STAU2: variants seen among roughly 807,000 people sequenced by gnomAD.
STAU2 encodes staufen double-stranded RNA binding protein 2, also known as double-stranded RNA-binding protein Staufen homolog 2.
A neutral mutation model predicts 65.9 loss-of-function variants in STAU2; 20 were observed. The ratio of observed to expected loss-of-function variants is 0.30; its 90% CI spans 0.21 to 0.44. STAU2 has a LOEUF of 0.44. Ranked by LOEUF, STAU2 falls within the 20% of genes least tolerant of loss-of-function variation. The pLI is 1.00. For synonymous variants in STAU2, 232 were observed against 233.9 expected, an observed-to-expected ratio of 0.99 and a Z score of 0.07; for missense variants, 558 against 683.9, an observed-to-expected ratio of 0.82 and a Z score of 2.05.
In STAU2 at chr8:73,673,176, C is replaced by T. The variant is rs932383073; in HGVS notation, c.341G>A (p.Arg114Lys). The T allele has an allele frequency of 3.1e-6, 5 of 1,606,504 alleles. No homozygotes were observed. Reference sequence around the variant, plus strand: ...TGGGAATGGCTTTGGATCTAATGGCCTGTAGATGGCAGGCTCTCCCCTTTT... The same window carrying T: ...TGGGAATGGCTTTGGATCTAATGGCTTGTAGATGGCAGGCTCTCCCCTTTT... ...AMKRGEPAIY[R>K]PLDPKPFPNY... Residue 114 changes from arginine (R) to lysine (K), a missense_variant, in exon 6 of 15, where the codon AGG (arginine) becomes AAG (lysine). Transcript: ENST00000524300.
At chr8:73,617,204 C>G (rs776510032) in intron 7 of STAU2, 88 bp downstream of exon 7, 2 of 1,484,688 alleles carry the variant, frequency 1.3e-6, no homozygotes, top group East Asian at 4.7e-5. Context: ...CCTATCAGAA[C>G]AGATTATTTA....
At chr8:73,502,906 A>T (rs1821844871) in intron 13 of STAU2, among the ~76,000 whole-genome samples, 1 of 152,118 alleles carries the variant, frequency 6.6e-6, no homozygotes, top group Non-Finnish European at 1.5e-5. Flanking sequence ...GGTTTATTGA[A>T]TGATTAACTT....
At chr8:73,678,820 TAATA>T (rs1235908883) in intron 5 of STAU2, among the ~76,000 whole-genome samples, 1 of 152,222 alleles carries the variant, frequency 6.6e-6, no homozygotes, top group Non-Finnish European at 1.5e-5. Context: ...TATTTAAGCT[TAATA>T]AATACTGCAA....
chr8:73,421,239 G>C lies in STAU2; in HGVS notation c.*133C>G. On this transcript the variant is annotated 3_prime_UTR_variant, in exon 15 of 15. Transcript: ENST00000524300. Reference sequence around the variant, plus strand: ...AACAGTACCATGTATATTATCTCTCGTGTTAGAATAGTGTTGTCTTCACAT... The same window carrying C: ...AACAGTACCATGTATATTATCTCTCCTGTTAGAATAGTGTTGTCTTCACAT... 1 of 730,032 alleles carries C rather than the reference G, an allele frequency of 1.4e-6. No individual in the cohort carries two copies. Among genetic ancestry groups the C allele is most frequent in the Non-Finnish European group, 2.3e-6 (1 of 441,994 alleles). 45.2% of individuals were successfully genotyped at this position (730,032 alleles called of 1,614,324 possible). A position where few individuals can be genotyped will look rare whatever the true frequency, so the allele number is the denominator to read the frequency against.
intron 6 of STAU2, among the ~76,000 whole-genome samples, chr8:73,626,243 CAGAA>C (rs1186008501): frequency 6.6e-6 from 1 of 152,040 alleles, no homozygotes; most frequent in Non-Finnish European, 1.5e-5. Flanking sequence ...ATGGAAATGC[CAGAA>C]AGAAAAAGTG....
chr8:73,628,843 G>C (rs1400121115), intron 6 of STAU2, among the ~76,000 whole-genome samples: 1 of 152,202 alleles, frequency 6.6e-6, no homozygotes, highest in Non-Finnish European at 1.5e-5. Flanking sequence ...CTTCCAAGAA[G>C]TTTAAAAACT....
chr8:73,605,852 C>CAA (rs1811976510), intron 9 of STAU2, among the ~76,000 whole-genome samples: 1 of 66,790 alleles, frequency 1.5e-5, no homozygotes, highest in Non-Finnish European at 2.8e-5. Flanking sequence ...TACACACACA[C>CAA]ACACACACAC....
chr8:73,678,104 T>C (rs942819215), intron 5 of STAU2, among the ~76,000 whole-genome samples: 4 of 152,128 alleles, frequency 2.6e-5, no homozygotes, highest in African/African-American at 7.2e-5. Context: ...TCAATGCACG[T>C]GAGTCTCTTT....
chr8:73,421,748 C>A (rs1302721927), intron 14 of STAU2, among the ~76,000 whole-genome samples: 1 of 152,164 alleles, frequency 6.6e-6, no homozygotes, highest in South Asian at 2.1e-4. Flanking sequence ...TATTAACAAC[C>A]AAATGCTGTT....
At chr8:73,730,068 G>A (rs976345252) in intron 3 of STAU2, among the ~76,000 whole-genome samples, 2 of 151,308 alleles carry the variant, frequency 1.3e-5, no homozygotes, top group African/African-American at 4.9e-5. Flanking sequence ...CCTTTTTTCT[G>A]GTAGCTTTGC....
chr8:73,576,093 A>G (rs1245680576), intron 12 of STAU2, among the ~76,000 whole-genome samples: 1 of 152,024 alleles, frequency 6.6e-6, no homozygotes, highest in Non-Finnish European at 1.5e-5. Context: ...CCCTCCCACT[A>G]TGAAACAACT....
At chr8:73,747,454 C>T (rs1485333544), upstream of STAU2, 2 of 1,534,564 alleles carry the variant, frequency 1.3e-6, no homozygotes, top group East Asian at 2.5e-5. Context: ...GCGTCTGCTC[C>T]GGCCGCCGCT....
intron 5 of STAU2, among the ~76,000 whole-genome samples, chr8:73,687,358 A>ATTTATATTTATATT (rs1563506924): frequency 1.9e-3 from 20 of 10,660 alleles, no homozygotes; most frequent in East Asian, 0.013. Flanking sequence ...AATTTATATA[A>ATTTATATTTATATT]TATAAATATA....
At chr8:73,626,700 A>C (rs181690450) in intron 6 of STAU2, among the ~76,000 whole-genome samples, 39 of 152,308 alleles carry the variant, frequency 2.6e-4, no homozygotes, top group African/African-American at 8.9e-4. Context: ...GTAGCTTCCT[A>C]GGAGCAACTG....
rs190175815 is a variant in STAU2 at position 73,738,359 on chromosome 8, G to A, written c.-83-10C>T. On this transcript the variant is annotated splice_polypyrimidine_tract_variant and intron_variant, in intron 2 of 14. Coordinates refer to ENST00000524300, the MANE Select transcript of STAU2 (RefSeq NM_001164380.2). The stretch of plus-strand genomic sequence containing the variant: ...CTCACGGCTCCAAAAACTGGAAAAC[G>A]AAAATGAAGAAATAAAGTTCAACTT... 4.7e-5 allele frequency: 74 copies of A among 1,578,704 alleles called. No individual in the cohort carries two copies. The highest frequency in any genetic ancestry group is 1.7e-4 in the Middle Eastern group (1 of 5,960).
chr8:73,457,995 T>C (rs1349911598), intron 13 of STAU2, among the ~76,000 whole-genome samples: 1 of 152,192 alleles, frequency 6.6e-6, no homozygotes, highest in East Asian at 1.9e-4. Context: ...CAATAGCAGA[T>C]AATTGGCAAC....
chr8:73,493,025 T>C (rs1480619169), intron 13 of STAU2, among the ~76,000 whole-genome samples: 1 of 151,872 alleles, frequency 6.6e-6, no homozygotes, highest in Non-Finnish European at 1.5e-5. Context: ...ACTTGGTCAT[T>C]TGATTTTCAA....
At chr8:73,721,508 T>C (rs1821689739) in intron 3 of STAU2, among the ~76,000 whole-genome samples, 1 of 152,184 alleles carries the variant, frequency 6.6e-6, no homozygotes, top group South Asian at 2.1e-4. Flanking sequence ...CAGGGGTTAC[T>C]AAAATCTCCA....
chr8:73,648,788 G>A (rs916645844), intron 6 of STAU2, among the ~76,000 whole-genome samples: 12 of 152,190 alleles, frequency 7.9e-5, no homozygotes, highest in Admixed American at 7.9e-4. Context: ...GTTGTGTCTT[G>A]TTTTTCAAAT....
Sources: gnomAD v4.1 joint callset for allele counts (sites outside exome capture counted in the v4.1 genomes callset) on GRCh38, gnomAD v4.1.1 for gene constraint, MANE v1.5 for transcripts, NCBI Gene and HGNC (gene_info 2026-07-23, HGNC 2026-07-21) for gene names.